CDX2: variants seen among roughly 807,000 people sequenced by gnomAD.
The protein encoded by CDX2 is homeobox protein CDX-2.
In CDX2, 7 loss-of-function variants were observed where a neutral mutation model predicts 25.5. That is an observed-to-expected ratio of 0.27 (90% CI 0.16 to 0.52). The LOEUF (loss-of-function observed/expected upper bound fraction) is 0.52. Among genes scored for constraint, CDX2 ranks in the 20% least tolerant of loss-of-function variants. The pLI is 0.97. For missense variants in CDX2, 375 were observed against 431.4 expected (o/e 0.87, Z 1.16); for synonymous variants, 222 against 198.6 (o/e 1.12, Z -0.99).
rs1328021859 is a variant in CDX2 at position 27,964,745 on chromosome 13, G to A, written c.687+125C>T. On this transcript the variant is annotated intron_variant, in intron 2 of 2. Coordinates refer to ENST00000381020, the MANE Select transcript of CDX2 (RefSeq NM_001265.6). This position sits in a 1 kb window ranked among gnomAD's most constrained non-coding sequence, Gnocchi z 4.7. ...AAAAAAAAAAAAGGACTCCAAAGAC[G>A]AATGCTTGCATCCTCCTGCTTCAGT... 7.3e-5 allele frequency: 38 copies of A among 519,464 alleles called. No individual in the cohort carries two copies. The highest frequency in any genetic ancestry group is 1.1e-4 in the Non-Finnish European group (33 of 292,094). 32.2% of individuals were successfully genotyped at this position (519,464 alleles called of 1,614,324 possible). A position where few individuals can be genotyped will look rare whatever the true frequency, so the allele number is the denominator to read the frequency against.
chr13:27,966,823 G>T (rs1037612273), intron 1 of CDX2, among the ~76,000 whole-genome samples: 2 of 152,170 alleles, frequency 1.3e-5, no homozygotes, highest in African/African-American at 4.8e-5. Flanking sequence ...CAATGGCAGG[G>T]CTGGGAAGGT....
At position 27,964,103 on chromosome 13, in the gene CDX2, A is replaced by T. The variant is rs960511103; in HGVS notation, c.688-734T>A. Among the ~76,000 whole-genome samples the T allele has an allele frequency of 9.2e-5, 14 of 152,220 alleles. No individual in the cohort carries two copies. Among genetic ancestry groups the T allele is most frequent in the Non-Finnish European group, 1.8e-4 (12 of 68,038 alleles). ...GACTAAAGGTAGAAGGAGGCTTTTTAAAAAAGTACTCCAGGGCCAGGCACA... is the reference window on the plus strand; with the variant it reads ...GACTAAAGGTAGAAGGAGGCTTTTTTAAAAAGTACTCCAGGGCCAGGCACA... On this transcript the variant is annotated intron_variant, in intron 2 of 2. Coordinates refer to ENST00000381020, the MANE Select transcript of CDX2 (RefSeq NM_001265.6). The surrounding 1 kb of genome is among the most constrained non-coding windows in gnomAD (Gnocchi z 4.7).
At position 27,962,670 on chromosome 13, in the gene CDX2, G is replaced by A; in HGVS notation, c.*445C>T. ...TGCCCGGAGGCAGGAGGCCCAGCTG[G>A]ACCTCCGAGGGCCATGAGCAGGCAG... is the stretch of plus-strand genomic sequence containing the variant. On this transcript the variant is annotated 3_prime_UTR_variant, in exon 3 of 3. Transcript: ENST00000381020. 1 of 236,884 alleles carries A rather than the reference G, an allele frequency of 4.2e-6. No individual in the cohort carries two copies. Among genetic ancestry groups the A allele is most frequent in the Non-Finnish European group, 8.3e-6 (1 of 120,524 alleles). 14.7% of individuals were successfully genotyped at this position (236,884 alleles called of 1,614,324 possible).
Position 27,969,011 on chromosome 13 carries a change from G to T in CDX2, c.-5C>A. ...CAGGAGGTAGCTCACGTACATGGTG[G>T]CGAGGGTCCGGGAGCAGACCTCACC... On this transcript the variant is annotated 5_prime_UTR_variant, in exon 1 of 3. Coordinates refer to ENST00000381020, the MANE Select transcript of CDX2 (RefSeq NM_001265.6). 1 of 1,592,212 alleles carries T rather than the reference G, an allele frequency of 6.3e-7. No individual in the cohort carries two copies. The highest frequency in any genetic ancestry group is 8.5e-7 in the Non-Finnish European group (1 of 1,175,514).
chr13:27,965,039 G>A (rs901765967), intron 1 of CDX2, 24 bp from the exon 2 acceptor site: 5 of 1,611,638 alleles, frequency 3.1e-6, no homozygotes, highest in Non-Finnish European at 4.2e-6. Context: ...AGAAGTGAGG[G>A]CTGAGAACTG....
At position 27,963,071 on chromosome 13, in the gene CDX2, A is replaced by G. The variant is rs376469328; in HGVS notation, c.*44T>C. On this transcript the variant is annotated 3_prime_UTR_variant, in exon 3 of 3. Coordinates refer to ENST00000381020, the MANE Select transcript of CDX2 (RefSeq NM_001265.6). ...GAGTCTAGCAGAGTCCACGCTCCTC[A>G]TGGCTCAGCCTGGAATTGCTCTGCC... The G allele has an allele frequency of 3.9e-5, 62 of 1,577,030 alleles. No individual in the cohort carries two copies. The African/African-American group carries it at 7.5e-4, about 19-fold the overall frequency.
chr13:27,966,436 A>G (rs1196392731), intron 1 of CDX2, among the ~76,000 whole-genome samples: 5 of 152,224 alleles, frequency 3.3e-5, no homozygotes, highest in Non-Finnish European at 1.5e-5. Context: ...AGATGAGGAA[A>G]TGGAGAATCA....
Position 27,964,078 on chromosome 13 carries a change from G to A in CDX2, c.688-709C>T, listed in dbSNP as rs1398501947. Among the ~76,000 whole-genome samples, 6 of 152,150 alleles carry A rather than the reference G, an allele frequency of 3.9e-5. No individual in the cohort carries two copies. The highest frequency in any genetic ancestry group is 2.6e-4 in the Admixed American group (4 of 15,272). On this transcript the variant is annotated intron_variant, in intron 2 of 2. Transcript: ENST00000381020. This position sits in a 1 kb window ranked among gnomAD's most constrained non-coding sequence, Gnocchi z 4.7. Reference sequence around the variant, plus strand: ...AAAATCAACAACATCAAAAAAAGAGGACTAAAGGTAGAAGGAGGCTTTTTA... The same window carrying A: ...AAAATCAACAACATCAAAAAAAGAGAACTAAAGGTAGAAGGAGGCTTTTTA...
Position 27,964,814 on chromosome 13 carries a change from T to A in CDX2, c.687+56A>T, listed in dbSNP as rs1234568904. The A allele has an allele frequency of 3.8e-6, 6 of 1,563,274 alleles. No homozygotes were observed. Among genetic ancestry groups the A allele is most frequent in the Non-Finnish European group, 5.2e-6 (6 of 1,144,650 alleles). Reference sequence around the variant, plus strand: ...GGCCCCTGCAGCCAGATTTTCTAACTCTCATGGTCCTCTGCCAGGCAGTGG... The same window carrying A: ...GGCCCCTGCAGCCAGATTTTCTAACACTCATGGTCCTCTGCCAGGCAGTGG... On this transcript the variant is annotated intron_variant, in intron 2 of 2. Coordinates refer to ENST00000381020, the MANE Select transcript of CDX2 (RefSeq NM_001265.6). This position sits in a 1 kb window ranked among gnomAD's most constrained non-coding sequence, Gnocchi z 4.7.
In CDX2 at chr13:27,969,229, C is replaced by A; in HGVS notation, c.-223G>T. On this transcript the variant is annotated 5_prime_UTR_variant, in exon 1 of 3. Coordinates refer to ENST00000381020, the MANE Select transcript of CDX2 (RefSeq NM_001265.6). ...CCCTCCCTTTCTTCCTTCTTTCCTC[C>A]CACCTCCTTCCCACTAGGCTGCAGA... is the stretch of plus-strand genomic sequence containing the variant. 1.8e-6 allele frequency: 1 copy of A among 546,464 alleles called. No individual in the cohort carries two copies. The allele number at this position is 546,464 out of a possible 1,614,324, so 33.9% of individuals were successfully genotyped here. A position where few individuals can be genotyped will look rare whatever the true frequency, so the allele number is the denominator to read the frequency against.
Position 27,968,764 on chromosome 13 carries a change from C to A in CDX2, c.243G>T (p.Ala81=), listed in dbSNP as rs1869481839. 6.6e-7 allele frequency: 1 copy of A among 1,505,662 alleles called. No individual in the cohort carries two copies. The highest frequency in any genetic ancestry group is 8.8e-7 in the Non-Finnish European group (1 of 1,133,964). 93.3% of individuals were successfully genotyped at this position (1,505,662 alleles called of 1,614,324 possible). Residue 81 remains alanine, a synonymous_variant, in exon 1 of 3, where the codon GCG becomes GCT. Coordinates refer to ENST00000381020, the MANE Select transcript of CDX2 (RefSeq NM_001265.6). The part of the protein sequence containing the change: ...APLREDWNGY[A]PGGAAAAANA... The stretch of plus-strand genomic sequence containing the variant: ...TGGCGGCGGCCGCGGCGCCTCCGGG[C>A]GCGTAGCCATTCCAGTCCTCCCGGA...
Position 27,964,356 on chromosome 13 carries a change from G to A in CDX2, c.687+514C>T, listed in dbSNP as rs1371569795. Among the ~76,000 whole-genome samples, 1 of 152,070 alleles carries A rather than the reference G, an allele frequency of 6.6e-6. No individual in the cohort carries two copies. The highest frequency in any genetic ancestry group is 2.4e-5 in the African/African-American group (1 of 41,388). On this transcript the variant is annotated intron_variant, in intron 2 of 2. Coordinates refer to ENST00000381020, the MANE Select transcript of CDX2 (RefSeq NM_001265.6). The surrounding 1 kb of genome is among the most constrained non-coding windows in gnomAD (Gnocchi z 4.7). ...AGAGGTTGCAGTGAGCTGAGACCGC[G>A]CCATTGCACTTCAGCCTGCACAACA...
rs1246434315 is a variant in CDX2, at chr13:27,965,074, A to G, written c.542-59T>C. ...GCAAGGCAGCCCATCAGTCATGGGT[A>G]ATGACAAACCTCCCTAACCCAGGGA... On this transcript the variant is annotated intron_variant, in intron 1 of 2. Transcript: ENST00000381020. 2.6e-6 allele frequency: 4 copies of G among 1,557,388 alleles called. No individual in the cohort carries two copies. In the Admixed American group the frequency reaches 5.3e-5, roughly 21 times the overall value.
intron 1 of CDX2, 42 bp from the exon 2 acceptor site, chr13:27,965,057 GCCCAT>G (rs1254740078): frequency 3.1e-6 from 5 of 1,599,418 alleles, no homozygotes; most frequent in Non-Finnish European, 4.3e-6. Flanking sequence ...CTGCAAGGCA[GCCCAT>G]CAGTCATGGG....
rs1869221646 is a variant in CDX2 at position 27,964,698 on chromosome 13, C to T, written c.687+172G>A. On this transcript the variant is annotated intron_variant, in intron 2 of 2. Coordinates refer to ENST00000381020, the MANE Select transcript of CDX2 (RefSeq NM_001265.6). This position sits in a 1 kb window ranked among gnomAD's most constrained non-coding sequence, Gnocchi z 4.7. ...CAGCCTGGGCCACAAAGCAAGACCC[C>T]ATCTCTGTTTAAAAAAAAAAAAAAA... Among the ~76,000 whole-genome samples, 1 of 134,960 alleles carries T rather than the reference C, an allele frequency of 7.4e-6. No individual in the cohort carries two copies. The highest frequency in any genetic ancestry group is 1.6e-5 in the Non-Finnish European group (1 of 62,192). 88.5% of individuals were successfully genotyped at this position (134,960 alleles called of 152,430 possible).
chr13:27,966,377 A>C (rs1272863776), intron 1 of CDX2, among the ~76,000 whole-genome samples: 6 of 152,212 alleles, frequency 3.9e-5, no homozygotes, highest in Non-Finnish European at 7.3e-5. Flanking sequence ...GACACGCGTG[A>C]CCGCCTCAAA....
chr13:27,968,705 G>A lies in CDX2; in HGVS notation c.302C>T (p.Pro101Leu). The change falls in exon 1 of 3, where the codon CCG (proline) becomes CTG (leucine). Residue 101 changes from proline to leucine, a missense_variant. Physicochemically the swap from Pro to Leu is moderately conservative, Grantham distance 98. Around this residue, in one of 3 missense-constraint regions of CDX2, gnomAD observed 253 missense variants for 247.5 expected, o/e 1.02. Transcript: ENST00000381020. ...GCTGCTGTAGCCCATGGCTGCGGCC[G>A]GGGAGCCACCGTTGAGGCCGTGAGC... ...AVAHGLNGGS[P>L]AAAMGYSSPA... The A allele has an allele frequency of 1.3e-6, 2 of 1,530,776 alleles. No individual in the cohort carries two copies. The highest frequency in any genetic ancestry group is 1.7e-6 in the Non-Finnish European group (2 of 1,143,572). The allele number at this position is 1,530,776 out of a possible 1,614,324, so 94.8% of individuals were successfully genotyped here.
chr13:27,966,624 C>T (rs1869341083), intron 1 of CDX2, among the ~76,000 whole-genome samples: 1 of 152,140 alleles, frequency 6.6e-6, no homozygotes, highest in African/African-American at 2.4e-5. Flanking sequence ...TTCAGTGTCC[C>T]GGACGTGCCG....
At position 27,969,000 on chromosome 13, in the gene CDX2, C is replaced by T. The variant is rs947361705; in HGVS notation, c.7G>A (p.Val3Met). 26 of 1,596,188 alleles carry T rather than the reference C, an allele frequency of 1.6e-5. No individual in the cohort carries two copies. Among genetic ancestry groups the T allele is most frequent in the Non-Finnish European group, 2.0e-5 (24 of 1,177,614 alleles). Reference protein sequence around the residue: MYVSYLLDKDVSM... With the variant: MYMSYLLDKDVSM... ...ACGTCCTTGTCCAGGAGGTAGCTCA[C>T]GTACATGGTGGCGAGGGTCCGGGAG... The change falls in exon 1 of 3, where the codon GTG (valine) becomes ATG (methionine). Residue 3 changes from valine to methionine, a missense_variant. By Grantham distance (21) the Val-to-Met change is conservative (BLOSUM62 1). Transcript: ENST00000381020.
Sources: allele counts gnomAD v4.1 joint callset (sites outside exome capture counted in the v4.1 genomes callset), GRCh38; gene constraint gnomAD v4.1.1; regional missense constraint gnomAD v4.1.1; non-coding constraint Gnocchi (gnomAD v3.1); transcripts MANE v1.5; gene names NCBI Gene and HGNC (gene_info 2026-07-23, HGNC 2026-07-21).